COLEC10: variants seen among roughly 807,000 people sequenced by gnomAD.
COLEC10 encodes the protein collectin subfamily member 10.
A neutral mutation model predicts 28.4 loss-of-function variants in COLEC10; 22 were observed. The ratio of observed to expected loss-of-function variants is 0.78; its 90% CI spans 0.55 to 1.11. COLEC10 has a LOEUF of 1.11. Ranked by LOEUF, COLEC10 falls within the 50% of genes least tolerant of loss-of-function variation. COLEC10 has a pLI of 0.00. For missense variants in COLEC10, 361 were observed against 344.1 expected, an observed-to-expected ratio of 1.05 and a Z score of -0.39; for synonymous variants, 125 against 116.1, an observed-to-expected ratio of 1.08 and a Z score of -0.49.
At chr8:119,049,217 G>T (rs1424845182) in intron 2 of COLEC10, among the ~76,000 whole-genome samples, 1 of 151,856 alleles carries the variant, frequency 6.6e-6, no homozygotes, top group Non-Finnish European at 1.5e-5. Flanking sequence ...CTATCCTAAC[G>T]GGTTTCCCTC....
chr8:118,971,913 T>C, the COLEC10 span, among the ~76,000 whole-genome samples: 1 of 151,990 alleles, frequency 6.6e-6, no homozygotes, highest in African/African-American at 2.4e-5. Flanking sequence ...TCGGGAGCTT[T>C]TGACAGCTCT....
At chr8:119,002,738 G>C (rs561862651) in intron 1 of COLEC10, among the ~76,000 whole-genome samples, 1 of 152,098 alleles carries the variant, frequency 6.6e-6, no homozygotes, top group Non-Finnish European at 1.5e-5. Flanking sequence ...GATGAGTAGG[G>C]TTTACCCAGG....
At chr8:119,069,605 CAAAAA>C (rs138362458) in intron 1 of COLEC10, among the ~76,000 whole-genome samples, 5 of 8,800 alleles carry the variant, frequency 5.7e-4, no homozygotes, top group African/African-American at 9.6e-4. Flanking sequence ...GACCCCATCT[CAAAAA>C]AAAAAAAAAA....
upstream of COLEC10, among the ~76,000 whole-genome samples, chr8:119,065,631 T>C (rs1178104045): frequency 6.6e-6 from 1 of 152,100 alleles, no homozygotes; most frequent in Non-Finnish European, 1.5e-5. Flanking sequence ...CCAAGGTGGA[T>C]GGATCATTTG....
upstream of COLEC10, among the ~76,000 whole-genome samples, chr8:119,065,296 C>A (rs1357428409): frequency 6.6e-6 from 1 of 152,096 alleles, no homozygotes; most frequent in Non-Finnish European, 1.5e-5. Context: ...TTAGTTCCCA[C>A]CTCCTGTCAG....
At chr8:119,054,309 G>A (rs1394388006) in intron 2 of COLEC10, among the ~76,000 whole-genome samples, 1 of 152,108 alleles carries the variant, frequency 6.6e-6, no homozygotes, top group Non-Finnish European at 1.5e-5. Flanking sequence ...CATTGAAAGT[G>A]AAACTGCAGA....
intron 2 of COLEC10, among the ~76,000 whole-genome samples, chr8:119,040,440 A>C (rs1814473398): frequency 6.6e-6 from 1 of 152,172 alleles, no homozygotes; most frequent in Non-Finnish European, 1.5e-5. Context: ...AAACCATAAG[A>C]AATGAAATTA....
intron 5 of COLEC10, among the ~76,000 whole-genome samples, chr8:119,104,942 A>T (rs929164740): frequency 6.6e-6 from 1 of 152,060 alleles, no homozygotes; most frequent in African/African-American, 2.4e-5. Context: ...GACACCCAAA[A>T]CATACATGCC....
intron 2 of COLEC10, among the ~76,000 whole-genome samples, chr8:119,014,144 C>T (rs1239615899): frequency 6.6e-6 from 1 of 150,464 alleles, no homozygotes; most frequent in Admixed American, 6.6e-5. Context: ...ATGTTTTATC[C>T]TCACTTATTC....
chr8:118,974,300 T>C, the COLEC10 span, among the ~76,000 whole-genome samples: 315 of 152,090 alleles, frequency 2.1e-3, no homozygotes, highest in African/African-American at 7.3e-3. Flanking sequence ...GAAGACCTAT[T>C]TGTTAAAATA....
intron 5 of COLEC10, among the ~76,000 whole-genome samples, chr8:119,104,294 T>A (rs1815896195): frequency 6.6e-6 from 1 of 152,140 alleles, no homozygotes; most frequent in African/African-American, 2.4e-5. Context: ...ACTAGCATTA[T>A]CTCACTGAGT....
At chr8:119,071,784 A>G (rs965151680) in intron 1 of COLEC10, among the ~76,000 whole-genome samples, 5 of 152,208 alleles carry the variant, frequency 3.3e-5, no homozygotes, top group Admixed American at 1.3e-4. Flanking sequence ...TGCTCAATAC[A>G]TATTTTTGAT....
intron 2 of COLEC10, among the ~76,000 whole-genome samples, chr8:119,055,740 T>C (rs1298696211): frequency 6.6e-6 from 1 of 152,092 alleles, no homozygotes; most frequent in Non-Finnish European, 1.5e-5. Flanking sequence ...ATTTCCTTTT[T>C]GCACTGCCAA....
At chr8:119,092,171 G>A (rs988409173) in intron 3 of COLEC10, among the ~76,000 whole-genome samples, 16 of 150,784 alleles carry the variant, frequency 1.1e-4, no homozygotes, top group East Asian at 4.0e-4. Flanking sequence ...CCGGGTTCAA[G>A]CAATTCTCCT....
intron 2 of COLEC10, among the ~76,000 whole-genome samples, chr8:119,059,641 T>C (rs182064012): frequency 2.0e-5 from 3 of 152,220 alleles, no homozygotes; most frequent in East Asian, 1.9e-4. Flanking sequence ...GTCCCTGTGC[T>C]GATAAAACTG....
the COLEC10 span, among the ~76,000 whole-genome samples, chr8:118,987,840 T>TGATAAAA: frequency 6.6e-6 from 1 of 152,172 alleles, no homozygotes; most frequent in Non-Finnish European, 1.5e-5. Flanking sequence ...ATCAGGAGCA[T>TGATAAAA]GATAAGCAAA....
At chr8:119,023,448 T>C (rs920158511) in intron 2 of COLEC10, among the ~76,000 whole-genome samples, 1 of 151,984 alleles carries the variant, frequency 6.6e-6, no homozygotes, top group African/African-American at 2.4e-5. Context: ...ACTTTTAATA[T>C]GGAAAAAAAG....
chr8:119,065,863 AAAAAG>A (rs1245507006), upstream of COLEC10, among the ~76,000 whole-genome samples: 5 of 151,858 alleles, frequency 3.3e-5, no homozygotes, highest in East Asian at 1.9e-4. Context: ...CTCAAAAAAA[AAAAAG>A]AAAAAAGAAA....
chr8:118,976,828 G>T, the COLEC10 span, among the ~76,000 whole-genome samples: 2 of 152,152 alleles, frequency 1.3e-5, no homozygotes, highest in South Asian at 4.2e-4. Context: ...CAAAATGGGA[G>T]AAAAGTTTCA....
Sources: gnomAD v4.1 joint callset for allele counts (sites outside exome capture counted in the v4.1 genomes callset) on GRCh38, gnomAD v4.1.1 for gene constraint, MANE v1.5 for transcripts, NCBI Gene and HGNC (gene_info 2026-07-23, HGNC 2026-07-21) for gene names.